KLHL14: variants seen among roughly 807,000 people sequenced by gnomAD.
KLHL14 encodes the protein kelch like family member 14, also known as kelch-like protein 14.
In KLHL14, 22 loss-of-function variants were observed where a neutral mutation model predicts 64.3. The ratio of observed to expected loss-of-function variants is 0.34; its 90% CI spans 0.24 to 0.49. KLHL14 has a LOEUF of 0.49. Among genes scored for constraint, KLHL14 ranks in the 20% least tolerant of loss-of-function variants. The pLI, the probability that KLHL14 is intolerant of heterozygous loss-of-function variation, is 0.99. For missense variants in KLHL14, 661 were observed against 789.0 expected, an observed-to-expected ratio of 0.84 and a Z score of 1.94; for synonymous variants, 322 against 333.4, an observed-to-expected ratio of 0.97 and a Z score of 0.37.
At chr18:32,720,840 G>A (rs765503125) in intron 3 of KLHL14, among the ~76,000 whole-genome samples, 1 of 152,174 alleles carries the variant, frequency 6.6e-6, no homozygotes, top group Non-Finnish European at 1.5e-5. Flanking sequence ...TGGACCAGAA[G>A]TCATTGGCAA....
At chr18:32,763,665 A>T (rs1406209462) in intron 2 of KLHL14, among the ~76,000 whole-genome samples, 1 of 152,220 alleles carries the variant, frequency 6.6e-6, no homozygotes, top group Non-Finnish European at 1.5e-5. Context: ...TTGGCCAACA[A>T]CAGGTTGTGT....
chr18:32,682,640 G>A (rs1360504969), intron 5 of KLHL14, among the ~76,000 whole-genome samples: 1 of 152,112 alleles, frequency 6.6e-6, no homozygotes, highest in East Asian at 1.9e-4. Context: ...AAATTTCAAA[G>A]CAGTTGCAAA....
intron 4 of KLHL14, among the ~76,000 whole-genome samples, chr18:32,693,413 C>CACACACACACACACACAGAG (rs1229737083): frequency 6.2e-4 from 60 of 97,030 alleles, no homozygotes; most frequent in African/African-American, 2.8e-3. Flanking sequence ...CACACACACA[C>CACACACACACACACACAGAG]AGAGAGAGAG....
intron 3 of KLHL14, among the ~76,000 whole-genome samples, chr18:32,703,435 C>T (rs992062923): frequency 3.3e-5 from 5 of 152,154 alleles, no homozygotes; most frequent in African/African-American, 9.7e-5. Flanking sequence ...GGTAAGGATT[C>T]TATGGCTTCT....
At chr18:32,759,144 A>G (rs914357231) in intron 2 of KLHL14, among the ~76,000 whole-genome samples, 6 of 152,350 alleles carry the variant, frequency 3.9e-5, no homozygotes, top group African/African-American at 1.2e-4. Flanking sequence ...TGAATCTACC[A>G]TGGGTTTTCT....
At chr18:32,736,761 C>T (rs1598570169) in intron 3 of KLHL14, among the ~76,000 whole-genome samples, 1 of 152,188 alleles carries the variant, frequency 6.6e-6, no homozygotes, top group South Asian at 2.1e-4. Context: ...GGTGGTCTTA[C>T]TAAAATACTT....
At chr18:32,723,943 C>A (rs1749817186) in intron 3 of KLHL14, among the ~76,000 whole-genome samples, 1 of 152,080 alleles carries the variant, frequency 6.6e-6, no homozygotes, top group African/African-American at 2.4e-5. Context: ...GCATTATTTG[C>A]AAACAAGGAG....
In KLHL14 at chr18:32,770,343, G is replaced by A. The variant is rs1383621312; in HGVS notation, c.249C>T (p.Asp83=). The change falls in exon 2 of 9, where the codon GAC becomes GAT. Residue 83 remains aspartate (D), a synonymous_variant. Transcript: ENST00000359358. The surrounding 1 kb of genome is among the most constrained non-coding windows in gnomAD (Gnocchi z 6.7). Reference sequence around the variant, plus strand: ...GCTGCTGCTGCGGCGGCTGCTGCTGGTCCTTGGGGGCCCCCAGGCCGTCCT... The same window carrying A: ...GCTGCTGCTGCGGCGGCTGCTGCTGATCCTTGGGGGCCCCCAGGCCGTCCT... The part of the protein sequence containing the change: ...GGQDGLGAPK[D]QQQPPQQQPS... 1 of 1,584,322 alleles carries A rather than the reference G, an allele frequency of 6.3e-7. No individual in the cohort carries two copies. Among genetic ancestry groups the A allele is most frequent in the Admixed American group, 1.7e-5 (1 of 57,484 alleles).
chr18:32,697,185 C>T (rs574244540), intron 3 of KLHL14, among the ~76,000 whole-genome samples: 17 of 152,340 alleles, frequency 1.1e-4, no homozygotes, highest in East Asian at 9.6e-4. Context: ...GGCTTCACTA[C>T]TCAGAATTCA....
intron 4 of KLHL14, among the ~76,000 whole-genome samples, chr18:32,691,704 C>T (rs1277622151): frequency 6.6e-6 from 1 of 152,158 alleles, no homozygotes; most frequent in Non-Finnish European, 1.5e-5. Context: ...GGGTTATTCT[C>T]CTTCCTTGTG....
chr18:32,772,214 C>G, intron 1 of KLHL14: 1 of 397,796 alleles, frequency 2.5e-6, no homozygotes, highest in East Asian at 1.1e-4. Flanking sequence ...CTGCCTGGCG[C>G]CGGTCCTGGA....
chr18:32,722,816 G>A (rs1403760), intron 3 of KLHL14, among the ~76,000 whole-genome samples: 44,800 of 151,962 alleles, frequency 0.29, 6,863 homozygotes, highest in African/African-American at 0.37. Context: ...TTAGCCAGGC[G>A]TGATGGCACA....
chr18:32,770,154 G>T lies in KLHL14; in HGVS notation c.438C>A (p.Asn146Lys). Reference sequence around the variant, plus strand: ...CCACCGTGTCCAGGGACAGGGTCACGTTGGCCGTGTAGAGGTACTCGAGCA... The same window carrying T: ...CCACCGTGTCCAGGGACAGGGTCACTTTGGCCGTGTAGAGGTACTCGAGCA... ...RLVLEYLYTANVTLSLDTVEE... is the reference protein window; with the variant it reads ...RLVLEYLYTAKVTLSLDTVEE... Residue 146 changes from asparagine to lysine, a missense_variant, in exon 2 of 9, where the codon AAC (asparagine) becomes AAA (lysine). Coordinates refer to ENST00000359358, the MANE Select transcript of KLHL14 (RefSeq NM_020805.3). This position sits in a 1 kb window ranked among gnomAD's most constrained non-coding sequence, Gnocchi z 6.7. The T allele has an allele frequency of 6.2e-7, 1 of 1,614,158 alleles. No individual in the cohort carries two copies. Among genetic ancestry groups the T allele is most frequent in the South Asian group, 1.1e-5 (1 of 91,088 alleles).
chr18:32,731,404 A>G (rs939244582), intron 3 of KLHL14, among the ~76,000 whole-genome samples: 3 of 151,146 alleles, frequency 2.0e-5, no homozygotes, highest in Non-Finnish European at 4.4e-5. Flanking sequence ...CAAATACTGC[A>G]TGTTCTCTCT....
intron 2 of KLHL14, among the ~76,000 whole-genome samples, chr18:32,755,961 A>G (rs73411266): frequency 0.018 from 2,775 of 152,248 alleles, 101 homozygotes; most frequent in African/African-American, 0.064. Flanking sequence ...CTTTGCTTGT[A>G]TGGATCTAGT....
chr18:32,739,358 C>T (rs1486365559), intron 3 of KLHL14, among the ~76,000 whole-genome samples: 5 of 150,540 alleles, frequency 3.3e-5, no homozygotes, highest in Admixed American at 2.6e-4. Context: ...TGTCAGTTGC[C>T]TCTTTCTGTT....
In KLHL14 at chr18:32,683,635, T is replaced by C. The variant is rs756840553; in HGVS notation, c.1239-3036A>G. Among the ~76,000 whole-genome samples the C allele has an allele frequency of 6.6e-6, 1 of 152,142 alleles. No homozygotes were observed. Among genetic ancestry groups the C allele is most frequent in the Non-Finnish European group, 1.5e-5 (1 of 68,026 alleles). On this transcript the variant is annotated intron_variant, in intron 5 of 8. Transcript: ENST00000359358. This position sits in a 1 kb window ranked among gnomAD's most constrained non-coding sequence, Gnocchi z 4.2. ...TTGTTCATCTCTCCCTCCTTCAGCC[T>C]CCCCTGCCCCCACTGCCAGAAGCAA...
intron 3 of KLHL14, among the ~76,000 whole-genome samples, chr18:32,715,983 C>G (rs1225032971): frequency 6.6e-6 from 1 of 152,102 alleles, no homozygotes; most frequent in Non-Finnish European, 1.5e-5. Context: ...TCTAAAAAGT[C>G]AGTGAAATTA....
chr18:32,761,636 C>CATT (rs1236640095), intron 2 of KLHL14, among the ~76,000 whole-genome samples: 1 of 152,144 alleles, frequency 6.6e-6, no homozygotes, highest in Non-Finnish European at 1.5e-5. Context: ...GCCCATGCCA[C>CATT]TTTTCTCTTG....
Sources: allele counts gnomAD v4.1 joint callset (sites outside exome capture counted in the v4.1 genomes callset), GRCh38; gene constraint gnomAD v4.1.1; non-coding constraint Gnocchi (gnomAD v3.1); transcripts MANE v1.5; gene names NCBI Gene and HGNC (gene_info 2026-07-23, HGNC 2026-07-21).